The following OIP5 variants were observed in gnomAD, a reference collection of about 807,000 sequenced individuals.
The protein encoded by OIP5 is Opa interacting protein 5.
Under a neutral mutation model 20.3 loss-of-function variants are expected in OIP5, and 24 were observed. The ratio of observed to expected loss-of-function variants is 1.18; its 90% confidence interval spans 0.86 to 1.66. The LOEUF is 1.66. Among genes scored for constraint, OIP5 ranks in the 40% most tolerant of loss-of-function variants. The pLI, the probability that OIP5 is intolerant of heterozygous loss-of-function variation, is 0.00. For synonymous variants in OIP5, 143 were observed against 121.3 expected (o/e 1.18, Z -1.17); for missense variants, 339 against 289.5 (o/e 1.17, Z -1.24).
intron 2 of OIP5, among the ~76,000 whole-genome samples, chr15:41,323,484 G>A (rs904686427): frequency 3.9e-5 from 6 of 152,116 alleles, no homozygotes; most frequent in Non-Finnish European, 7.3e-5. Flanking sequence ...AAGAAAGCCT[G>A]TCCTTTGAAG....
intron 2 of OIP5, among the ~76,000 whole-genome samples, chr15:41,325,295 A>G (rs2047854507): frequency 6.6e-6 from 1 of 151,958 alleles, no homozygotes. Flanking sequence ...AGTCCCAGCT[A>G]CTCGGGAGGC....
Position 41,331,980 on chromosome 15 carries a change from T to C in OIP5, c.324A>G (p.Arg108=), listed in dbSNP as rs755249009. The C allele has an allele frequency of 6.2e-7, 1 of 1,613,788 alleles. No individual in the cohort carries two copies. Residue 108 remains arginine, a splice_region_variant and synonymous_variant, in exon 2 of 5, where the codon AGA becomes AGG. Transcript: ENST00000220514. ...CTTCCAAAACGACGTTATTTGTAACTCCTAGGAAGACAAACACGGGTCAGA... is the reference window on the plus strand; with the variant it reads ...CTTCCAAAACGACGTTATTTGTAACCCCTAGGAAGACAAACACGGGTCAGA... ...SRSLGAVVFS[R]VTNNVVLEAP... is the part of the protein sequence containing the mutation.
At chr15:41,327,749 C>A (rs1393185589) in intron 2 of OIP5, among the ~76,000 whole-genome samples, 4 of 151,830 alleles carry the variant, frequency 2.6e-5, no homozygotes, top group African/African-American at 9.7e-5. Flanking sequence ...GATCCTGCCA[C>A]TGCACTTCAG....
rs536721629 is a variant in OIP5, at chr15:41,318,615, GA to G, written c.512+1042del. 2.0e-5 allele frequency among the ~76,000 whole-genome samples: 3 copies of G among 152,068 alleles called. No individual in the cohort carries two copies. The East Asian group carries it at 5.8e-4, about 29-fold the overall frequency. On this transcript the variant is annotated intron_variant, in intron 3 of 4. Coordinates refer to ENST00000220514, the MANE Select transcript of OIP5 (RefSeq NM_007280.2). ...CTGGCAACAAGTTTCTTTAATGAAAGAATACCCTCTGAATTTTCCCATGGTA... is the reference window on the plus strand; with the variant it reads ...CTGGCAACAAGTTTCTTTAATGAAAGATACCCTCTGAATTTTCCCATGGTA...
At chr15:41,330,444 G>A (rs868021606) in intron 2 of OIP5, among the ~76,000 whole-genome samples, 6 of 135,744 alleles carry the variant, frequency 4.4e-5, no homozygotes, top group African/African-American at 1.4e-4. Context: ...GGAGTCTGTC[G>A]CCCAGGCTGG....
At chr15:41,319,533 C>T in intron 3 of OIP5, 125 bp downstream of exon 3, 1 of 919,724 alleles carries the variant, frequency 1.1e-6, no homozygotes, top group South Asian at 1.8e-5. Flanking sequence ...GGATTACAGG[C>T]ATAAGCCACT....
In OIP5 at chr15:41,332,508, C is replaced by G. The variant is rs1344130824; in HGVS notation, c.54G>C (p.Gly18=). ...HRSRCATPPR[G]DFCGGTERAI... ...CCCTCTCAGTGCCACCACAAAAGTC[C>G]CCCCGGGGCGGCGTTGCACAACGTG... is the stretch of plus-strand genomic sequence containing the variant. The change falls in exon 1 of 5, where the codon GGG becomes GGC. Residue 18 remains glycine (G), a synonymous_variant. Coordinates refer to ENST00000220514, the MANE Select transcript of OIP5 (RefSeq NM_007280.2). 1.2e-6 allele frequency: 2 copies of G among 1,613,760 alleles called. No homozygotes were observed. Among genetic ancestry groups the G allele is most frequent in the South Asian group, 2.2e-5 (2 of 91,070 alleles).
intron 4 of OIP5, among the ~76,000 whole-genome samples, chr15:41,310,610 CAG>C (rs2047747959): frequency 7.1e-6 from 1 of 141,810 alleles, no homozygotes; most frequent in Non-Finnish European, 1.5e-5. Flanking sequence ...GCCTGGGTGA[CAG>C]AGCGAGACTC....
At chr15:41,320,258 C>G (rs2047814452) in intron 2 of OIP5, among the ~76,000 whole-genome samples, 1 of 151,876 alleles carries the variant, frequency 6.6e-6, no homozygotes, top group Non-Finnish European at 1.5e-5. Context: ...AAAAATGCGC[C>G]CTCTCCCTCT....
At chr15:41,318,952 C>T (rs2047805031) in intron 3 of OIP5, among the ~76,000 whole-genome samples, 2 of 152,220 alleles carry the variant, frequency 1.3e-5, no homozygotes, top group African/African-American at 4.8e-5. Flanking sequence ...GTCCTCCCAC[C>T]TTGGCCTCAC....
chr15:41,311,837 A>G (rs2047756409), intron 4 of OIP5, among the ~76,000 whole-genome samples: 1 of 103,336 alleles, frequency 9.7e-6, no homozygotes, highest in Non-Finnish European at 2.6e-5. Flanking sequence ...AAGTGCTGGG[A>G]TTACAGGTGT....
chr15:41,312,490 C>T (rs143038394), intron 4 of OIP5, among the ~76,000 whole-genome samples: 2,436 of 151,436 alleles, frequency 0.016, 80 homozygotes, highest in African/African-American at 0.057. Context: ...GACGCAGTCT[C>T]GCTCTGTTGC....
At chr15:41,325,849 CAA>C (rs35329564) in intron 2 of OIP5, among the ~76,000 whole-genome samples, 9 of 98,792 alleles carry the variant, frequency 9.1e-5, no homozygotes, top group Non-Finnish European at 1.0e-4. Flanking sequence ...GACTCCGTCT[CAA>C]AAAAAAAAAA....
At position 41,316,001 on chromosome 15, in the gene OIP5, G is replaced by A. The variant is rs530337877; in HGVS notation, c.513-2647C>T. ...AAATTAGCCAGACATGGTGGCGGGCGCCTGTAGTCCCAGCTACTCGGGAGG... is the reference window on the plus strand; with the variant it reads ...AAATTAGCCAGACATGGTGGCGGGCACCTGTAGTCCCAGCTACTCGGGAGG... On this transcript the variant is annotated intron_variant, in intron 3 of 4. Transcript: ENST00000220514. 1.6e-3 allele frequency among the ~76,000 whole-genome samples: 241 copies of A among 152,180 alleles called. 2 individuals are homozygous for A. Among genetic ancestry groups the A allele is most frequent in the Middle Eastern group, 3.4e-3 (1 of 294 alleles).
At chr15:41,319,595 G>A in intron 3 of OIP5, 63 bp downstream of exon 3, 2 of 1,517,478 alleles carry the variant, frequency 1.3e-6, no homozygotes, top group South Asian at 1.2e-5. Flanking sequence ...TTTATTTGAT[G>A]GACTTTGTCT....
At chr15:41,318,708 T>C (rs1002954847) in intron 3 of OIP5, among the ~76,000 whole-genome samples, 1 of 141,302 alleles carries the variant, frequency 7.1e-6, no homozygotes, top group African/African-American at 2.8e-5. Flanking sequence ...TATATTTTGG[T>C]CCCACTGCTT....
At chr15:41,331,592 T>C (rs367764194) in intron 2 of OIP5, among the ~76,000 whole-genome samples, 1 of 152,134 alleles carries the variant, frequency 6.6e-6, no homozygotes, top group Non-Finnish European at 1.5e-5. Context: ...CAAAAAGTTC[T>C]AATATCTAAA....
chr15:41,319,847 G>A (rs2047812182), intron 2 of OIP5, 67 bp from the exon 3 acceptor site: 2 of 1,367,890 alleles, frequency 1.5e-6, no homozygotes, highest in South Asian at 2.8e-5. Flanking sequence ...AAAATAACTA[G>A]TCTCTGAAGC....
chr15:41,321,283 C>T (rs1329788181), intron 2 of OIP5, among the ~76,000 whole-genome samples: 1 of 150,040 alleles, frequency 6.7e-6, no homozygotes, highest in Non-Finnish European at 1.5e-5. Context: ...GCCAGCCGTC[C>T]CGTCCTGGAG....
Sources: allele counts gnomAD v4.1 joint callset (sites outside exome capture counted in the v4.1 genomes callset), GRCh38; gene constraint gnomAD v4.1.1; transcripts MANE v1.5; gene names NCBI Gene and HGNC (gene_info 2026-07-23, HGNC 2026-07-21).